Variants in GRM8 observed in about 807,000 individuals in gnomAD.
The protein encoded by GRM8 is glutamate metabotropic receptor 8, also known as metabotropic glutamate receptor 8.
In GRM8, 47 loss-of-function variants were observed where a neutral mutation model predicts 87.2. That is an observed-to-expected ratio of 0.54 (90% CI 0.43 to 0.69). The LOEUF (loss-of-function observed/expected upper bound fraction) is 0.69. Among genes scored for constraint, GRM8 ranks in the 30% least tolerant of loss-of-function variants. The probability of loss-of-function intolerance (pLI) is 0.00; values close to 1 mark genes in which losing one functional copy is unlikely to be tolerated. For synonymous variants in GRM8, 396 were observed against 404.5 expected (o/e 0.98, Z 0.25); for missense variants, 1,019 against 1,139.2 (o/e 0.89, Z 1.52).
intron 7 of GRM8, among the ~76,000 whole-genome samples, chr7:126,665,994 G>C (rs1415814030): frequency 6.6e-6 from 1 of 152,022 alleles, no homozygotes; most frequent in African/African-American, 2.4e-5. Flanking sequence ...TTAGGTGAGA[G>C]CCTCCTTATT....
At chr7:126,744,012 C>T (rs1160225837) in intron 7 of GRM8, among the ~76,000 whole-genome samples, 1 of 152,010 alleles carries the variant, frequency 6.6e-6, no homozygotes, top group African/African-American at 2.4e-5. Context: ...CTCACTGCTA[C>T]ACACTTGCAA....
At chr7:127,194,307 A>AT (rs1703737980) in intron 2 of GRM8, among the ~76,000 whole-genome samples, 1 of 152,214 alleles carries the variant, frequency 6.6e-6, no homozygotes, top group Non-Finnish European at 1.5e-5. Context: ...AATAAGAACA[A>AT]TGTTTGCAGG....
At chr7:126,902,139 C>T (rs1802146710) in intron 6 of GRM8, among the ~76,000 whole-genome samples, 1 of 152,116 alleles carries the variant, frequency 6.6e-6, no homozygotes, top group Non-Finnish European at 1.5e-5. Context: ...TTATAGAGGA[C>T]AGCGATTAAA....
At chr7:127,030,901 A>G (rs1411955262) in intron 3 of GRM8, among the ~76,000 whole-genome samples, 1 of 152,070 alleles carries the variant, frequency 6.6e-6, no homozygotes, top group Non-Finnish European at 1.5e-5. Flanking sequence ...TGGTTTCCAG[A>G]CCCACTGACC....
At chr7:127,095,183 C>T (rs1237283757) in intron 3 of GRM8, among the ~76,000 whole-genome samples, 1 of 152,150 alleles carries the variant, frequency 6.6e-6, no homozygotes, top group Admixed American at 6.5e-5. Context: ...AGTCAAATGT[C>T]TGGTGGGACA....
At chr7:127,091,597 T>C (rs1336882329) in intron 3 of GRM8, among the ~76,000 whole-genome samples, 1 of 89,444 alleles carries the variant, frequency 1.1e-5, no homozygotes, top group African/African-American at 4.5e-5. Context: ...CATCCCCCCA[T>C]CCCACTCGTC....
At chr7:126,552,169 A>G (rs1456282239) in intron 8 of GRM8, among the ~76,000 whole-genome samples, 1 of 152,128 alleles carries the variant, frequency 6.6e-6, no homozygotes, top group African/African-American at 2.4e-5. Context: ...CACTTGAATC[A>G]TAAGTGGTCC....
intron 7 of GRM8, among the ~76,000 whole-genome samples, chr7:126,644,725 C>T (rs1361984): frequency 0.31 from 46,867 of 152,158 alleles, 8,086 homozygotes; most frequent in East Asian, 0.43. Flanking sequence ...TTCAGTTTAA[C>T]AGCTGATTAT....
chr7:127,001,147 A>G (rs1049328085), intron 3 of GRM8, among the ~76,000 whole-genome samples: 3 of 151,692 alleles, frequency 2.0e-5, no homozygotes, highest in Non-Finnish European at 4.4e-5. Context: ...ACAAAGTGCC[A>G]AGATAATTTA....
At position 127,167,414 on chromosome 7, in the gene GRM8, C is replaced by A. The variant is rs557545498; in HGVS notation, c.511-60702G>T. Among the ~76,000 whole-genome samples, 19 of 152,236 alleles carry A rather than the reference C, an allele frequency of 1.2e-4. No homozygotes were observed. In the East Asian group the frequency reaches 3.7e-3, roughly 29 times the overall value. ...CGTTTTTACTGCTCATCCTTTTATACAGGCATACGTTTTATTGCACTTTAC... is the reference window on the plus strand; with the variant it reads ...CGTTTTTACTGCTCATCCTTTTATAAAGGCATACGTTTTATTGCACTTTAC... On this transcript the variant is annotated intron_variant, in intron 2 of 10. Transcript: ENST00000339582.
intron 7 of GRM8, among the ~76,000 whole-genome samples, chr7:126,639,152 C>A (rs1030141436): frequency 1.3e-5 from 2 of 152,262 alleles, no homozygotes; most frequent in African/African-American, 4.8e-5. Flanking sequence ...CCAGATGCCA[C>A]TTCCTTGGCA....
intron 3 of GRM8, among the ~76,000 whole-genome samples, chr7:127,103,066 T>C (rs1353808908): frequency 1.3e-5 from 2 of 152,190 alleles, no homozygotes; most frequent in Non-Finnish European, 2.9e-5. Context: ...TTTCACCATG[T>C]TGGCCAGGCT....
At chr7:127,250,566 T>C (rs1490953759) in intron 1 of GRM8, among the ~76,000 whole-genome samples, 1 of 149,850 alleles carries the variant, frequency 6.7e-6, no homozygotes, top group East Asian at 1.9e-4. Context: ...TAGTTGACTC[T>C]AAAATGGAAA....
At chr7:126,615,712 G>C (rs1410084544) in intron 7 of GRM8, among the ~76,000 whole-genome samples, 1 of 151,816 alleles carries the variant, frequency 6.6e-6, no homozygotes, top group Non-Finnish European at 1.5e-5. Context: ...AAAAAAAGGC[G>C]GGGGTTGCAA....
chr7:126,968,729 T>C (rs1810113626), intron 3 of GRM8, among the ~76,000 whole-genome samples: 1 of 152,102 alleles, frequency 6.6e-6, no homozygotes, highest in South Asian at 2.1e-4. Context: ...AATAATAAAC[T>C]CTCTAAAGAA....
chr7:126,798,270 A>G (rs1300851991), intron 6 of GRM8, among the ~76,000 whole-genome samples: 29 of 152,180 alleles, frequency 1.9e-4, no homozygotes, highest in Admixed American at 1.8e-3. Flanking sequence ...AAAGGCTTCA[A>G]CGTTTGCATT....
At chr7:126,493,201 A>G (rs78080300) in intron 9 of GRM8, among the ~76,000 whole-genome samples, 3,370 of 152,120 alleles carry the variant, frequency 0.022, 63 homozygotes, top group Non-Finnish European at 0.036. Flanking sequence ...AAAGTGGAAA[A>G]TAGAGGGTAG....
intron 8 of GRM8, among the ~76,000 whole-genome samples, chr7:126,608,759 CTTTTT>C (rs1189944716): frequency 7.2e-6 from 1 of 138,176 alleles, no homozygotes; most frequent in African/African-American, 2.7e-5. Context: ...GTGATGTGCC[CTTTTT>C]TTTTTTTTTT....
At chr7:126,608,759 C>CT (rs1189944716) in intron 8 of GRM8, among the ~76,000 whole-genome samples, 3,668 of 138,132 alleles carry the variant, frequency 0.027, 127 homozygotes, top group African/African-American at 0.078. Context: ...GTGATGTGCC[C>CT]TTTTTTTTTT....
Sources: allele counts gnomAD v4.1 joint callset (sites outside exome capture counted in the v4.1 genomes callset), GRCh38; gene constraint gnomAD v4.1.1; transcripts MANE v1.5; gene names NCBI Gene and HGNC (gene_info 2026-07-23, HGNC 2026-07-21).